Variants in EBF2 observed in about 807,000 individuals in gnomAD.
EBF2 encodes transcription factor COE2.
A neutral mutation model predicts 72.8 loss-of-function variants in EBF2; 21 were observed. The ratio of observed to expected loss-of-function variants is 0.29; its 90% CI spans 0.20 to 0.42. The LOEUF (loss-of-function observed/expected upper bound fraction) is 0.42, where lower values mean the gene tolerates loss of function less well. Ranked by LOEUF, EBF2 falls within the 10% of genes least tolerant of loss-of-function variation. The pLI, the probability that EBF2 is intolerant of heterozygous loss-of-function variation, is 1.00. For missense variants in EBF2, 637 were observed against 731.2 expected (o/e 0.87, Z 1.49); for synonymous variants, 299 against 274.2 (o/e 1.09, Z -0.89).
intron 15 of EBF2, among the ~76,000 whole-genome samples, chr8:25,848,529 G>C (rs1638874506): frequency 6.6e-6 from 1 of 152,150 alleles, no homozygotes; most frequent in Non-Finnish European, 1.5e-5. Flanking sequence ...GCAGCAGGAA[G>C]TGGGGTGGGG....
intron 6 of EBF2, among the ~76,000 whole-genome samples, chr8:26,020,795 G>A (rs1403528624): frequency 6.6e-6 from 1 of 152,134 alleles, no homozygotes; most frequent in East Asian, 1.9e-4. Flanking sequence ...CCAGATACAG[G>A]TCTAAAGGGT....
chr8:25,947,542 T>C (rs1803791333), intron 6 of EBF2, among the ~76,000 whole-genome samples: 1 of 152,288 alleles, frequency 6.6e-6, no homozygotes, highest in East Asian at 1.9e-4. Flanking sequence ...ACCACTCACA[T>C]CCAACACAAC....
intron 10 of EBF2, among the ~76,000 whole-genome samples, chr8:25,865,168 G>C (rs1160218529): frequency 1.3e-5 from 2 of 152,088 alleles, no homozygotes; most frequent in African/African-American, 4.8e-5. Flanking sequence ...AAAAATTTCA[G>C]TTGCATTAAA....
rs1802717739 is a variant in EBF2, at chr8:25,887,857, C to T, written c.867G>A (p.Met289Ile). The change falls in exon 9 of 16, where the codon ATG becomes ATA. Residue 289 changes from methionine (M) to isoleucine (I), a missense_variant. This residue lies in a region of EBF2 where 204 missense variants were observed against 301.2 expected (regional missense o/e 0.68). Transcript: ENST00000520164. The part of the protein sequence containing the change: ...FDGLQVVFGT[M>I]LVWSELITPH... ...CTCTGCTTACCTCGCTCCATACAAG[C>T]ATAGTCCCAAACACCACTTGGAGAC... 6.2e-7 allele frequency: 1 copy of T among 1,611,322 alleles called. No homozygotes were observed. Among genetic ancestry groups the T allele is most frequent in the Admixed American group, 1.7e-5 (1 of 59,464 alleles).
chr8:25,981,254 A>G (rs149705839), intron 6 of EBF2, among the ~76,000 whole-genome samples: 2 of 152,164 alleles, frequency 1.3e-5, no homozygotes, highest in East Asian at 3.9e-4. Flanking sequence ...ACTTCTAAGC[A>G]ACAGGAGTGG....
rs187252789 is a variant in EBF2 at position 25,847,978 on chromosome 8, T to C, written c.1696+2616A>G. The stretch of plus-strand genomic sequence containing the variant: ...TCTCAAATCACCACTAGAGAACTTA[T>C]CCATGTAATCAAAAACCACCTGTAC... On this transcript the variant is annotated intron_variant, in intron 15 of 15. Transcript: ENST00000520164. 4.9e-3 allele frequency among the ~76,000 whole-genome samples: 749 copies of C among 152,138 alleles called. 6 individuals are homozygous for C. Among genetic ancestry groups the C allele is most frequent in the African/African-American group, 0.017 (714 of 41,502 alleles).
intron 10 of EBF2, among the ~76,000 whole-genome samples, chr8:25,872,012 G>C (rs903171428): frequency 2.0e-5 from 3 of 150,634 alleles, no homozygotes; most frequent in Non-Finnish European, 2.9e-5. Context: ...CAAAGGATTA[G>C]TGCGATATAA....
intron 5 of EBF2, among the ~76,000 whole-genome samples, chr8:26,038,043 TG>T (rs1295567547): frequency 6.6e-6 from 1 of 152,216 alleles, no homozygotes; most frequent in African/African-American, 2.4e-5. Context: ...CTGCTACAAC[TG>T]GCTCTTAAAA....
chr8:25,924,090 T>G (rs529205317), intron 6 of EBF2, among the ~76,000 whole-genome samples: 4 of 152,354 alleles, frequency 2.6e-5, no homozygotes, highest in African/African-American at 9.6e-5. Flanking sequence ...GCACTCATGT[T>G]CAATTACAGT....
At chr8:25,872,266 G>T (rs894515820) in intron 10 of EBF2, among the ~76,000 whole-genome samples, 1 of 152,088 alleles carries the variant, frequency 6.6e-6, no homozygotes, top group Admixed American at 6.5e-5. Flanking sequence ...CAACATCAAG[G>T]CCTGGTTGCT....
intron 6 of EBF2, among the ~76,000 whole-genome samples, chr8:26,007,941 G>A (rs537223436): frequency 1.1e-4 from 16 of 150,758 alleles, no homozygotes; most frequent in African/African-American, 3.7e-4. Context: ...CATTTTTCCC[G>A]GAAAAAAGAA....
At chr8:25,848,362 AC>A (rs1585255085) in intron 15 of EBF2, among the ~76,000 whole-genome samples, 1 of 152,144 alleles carries the variant, frequency 6.6e-6, no homozygotes, top group African/African-American at 2.4e-5. Context: ...AGGGGTGGTG[AC>A]CAGAATTTTG....
intron 10 of EBF2, among the ~76,000 whole-genome samples, chr8:25,866,540 ATT>A (rs1334546023): frequency 4.9e-5 from 7 of 142,152 alleles, no homozygotes; most frequent in African/African-American, 1.8e-4. Context: ...TATAATATAT[ATT>A]ATATGTAATT....
At chr8:25,987,059 A>T (rs75986152) in intron 6 of EBF2, among the ~76,000 whole-genome samples, 1 of 149,954 alleles carries the variant, frequency 6.7e-6, no homozygotes, top group Non-Finnish European at 1.5e-5. Flanking sequence ...AAAAAAAAAA[A>T]CTGATAATTT....
At chr8:25,865,201 A>T (rs925433354) in intron 10 of EBF2, among the ~76,000 whole-genome samples, 3 of 152,198 alleles carry the variant, frequency 2.0e-5, no homozygotes, top group African/African-American at 4.8e-5. Context: ...GAGAAAATGG[A>T]TGGCTTTGCA....
At chr8:26,040,442 GA>G (rs879043883) in intron 4 of EBF2, among the ~76,000 whole-genome samples, 173 bp downstream of exon 4, 5,749 of 126,388 alleles carry the variant, frequency 0.045, 307 homozygotes, top group African/African-American at 0.14. Context: ...AGACAGGGAA[GA>G]AAAAAAAAAA....
At chr8:25,872,325 T>G (rs570576076) in intron 10 of EBF2, among the ~76,000 whole-genome samples, 1 of 152,308 alleles carries the variant, frequency 6.6e-6, no homozygotes, top group Admixed American at 6.5e-5. Flanking sequence ...AGGCAAGATC[T>G]GAGTTCTCAA....
intron 9 of EBF2, 50 bp from the exon 10 acceptor site, chr8:25,886,931 A>G (rs1234848434): frequency 1.3e-6 from 2 of 1,598,384 alleles, no homozygotes; most frequent in Non-Finnish European, 1.7e-6. Context: ...ACAAGCCATC[A>G]CCAAGGACAT....
chr8:25,876,869 T>G (rs991228142), intron 10 of EBF2, among the ~76,000 whole-genome samples: 59 of 152,310 alleles, frequency 3.9e-4, no homozygotes, highest in African/African-American at 1.4e-3. Context: ...GTGGTGATAC[T>G]CGGAGCCTGT....
Sources: gnomAD v4.1 joint callset for allele counts (sites outside exome capture counted in the v4.1 genomes callset) on GRCh38, gnomAD v4.1.1 for gene constraint, gnomAD v4.1.1 regional missense constraint, MANE v1.5 for transcripts, NCBI Gene and HGNC (gene_info 2026-07-23, HGNC 2026-07-21) for gene names.